Variants in ELMO1 observed in about 807,000 individuals in gnomAD.
ELMO1 encodes the protein engulfment and cell motility protein 1.
Under a neutral mutation model 98.9 loss-of-function variants are expected in ELMO1, and 26 were observed. That is an observed-to-expected ratio of 0.26 (90% CI 0.19 to 0.36). The LOEUF (loss-of-function observed/expected upper bound fraction) is 0.36, where lower values mean the gene tolerates loss of function less well. Among genes scored for constraint, ELMO1 ranks in the 10% least tolerant of loss-of-function variants. The pLI is 1.00. For synonymous variants in ELMO1, 346 were observed against 346.0 expected (o/e 1.00, Z 0.00); for missense variants, 627 against 935.2 (o/e 0.67, Z 4.30).
Position 36,862,536 on chromosome 7 carries a change from C to A in ELMO1, c.1906-800G>T, listed in dbSNP as rs142543741. ...TGTCTAATATGTACATTAAGCCACACTTCTCAAACTGTACATGCTGTACCA... is the reference window on the plus strand; with the variant it reads ...TGTCTAATATGTACATTAAGCCACAATTCTCAAACTGTACATGCTGTACCA... On this transcript the variant is annotated intron_variant, in intron 20 of 21. Coordinates refer to ENST00000310758, the MANE Select transcript of ELMO1 (RefSeq NM_014800.11). Among the ~76,000 whole-genome samples, 253 of 152,392 alleles carry A rather than the reference C, an allele frequency of 1.7e-3. 2 individuals carry two copies. Among genetic ancestry groups the A allele is most frequent in the African/African-American group, 4.5e-3 (188 of 41,592 alleles).
chr7:37,428,742 C>T (rs1054889631), intron 1 of ELMO1, among the ~76,000 whole-genome samples: 5 of 152,228 alleles, frequency 3.3e-5, no homozygotes, highest in Admixed American at 6.5e-5. Context: ...ACATTCTGTC[C>T]TAATCCAAGA....
intron 13 of ELMO1, among the ~76,000 whole-genome samples, chr7:37,181,084 A>G (rs1584772974): frequency 6.6e-6 from 1 of 152,296 alleles, no homozygotes; most frequent in East Asian, 1.9e-4. Context: ...ATTTTATGTT[A>G]TGTGAATTTT....
chr7:36,918,714 G>A (rs1373393223), intron 16 of ELMO1, among the ~76,000 whole-genome samples: 1 of 152,160 alleles, frequency 6.6e-6, no homozygotes, highest in Non-Finnish European at 1.5e-5. Context: ...AAACTTTCAA[G>A]GGCTTTTGCT....
intron 14 of ELMO1, among the ~76,000 whole-genome samples, chr7:37,097,312 C>A (rs563300005): frequency 8.0e-4 from 122 of 152,048 alleles, no homozygotes; most frequent in Non-Finnish European, 1.6e-3. Flanking sequence ...CCGAGGCGGG[C>A]GGATCATTGG....
chr7:37,381,319 T>C (rs1437196858), intron 1 of ELMO1, among the ~76,000 whole-genome samples: 1 of 152,236 alleles, frequency 6.6e-6, no homozygotes, highest in Admixed American at 6.5e-5. Context: ...CCAACCTTTC[T>C]CAGAGTACCA....
chr7:37,238,493 T>C (rs1794592720), intron 7 of ELMO1, among the ~76,000 whole-genome samples: 1 of 152,228 alleles, frequency 6.6e-6, no homozygotes, highest in Non-Finnish European at 1.5e-5. Context: ...AATCATGTTT[T>C]CTATGAATAG....
chr7:37,135,272 T>A (rs182006223), intron 13 of ELMO1, among the ~76,000 whole-genome samples: 85 of 152,326 alleles, frequency 5.6e-4, no homozygotes, highest in South Asian at 2.1e-3. Context: ...GAAGGACTAG[T>A]TGCAGCTTCC....
chr7:37,211,563 CTTT>C (rs1584815194), intron 12 of ELMO1, 46 bp from the exon 13 acceptor site: 1 of 1,601,178 alleles, frequency 6.2e-7, no homozygotes, highest in East Asian at 2.2e-5. Context: ...GAAAAAGCTG[CTTT>C]CATTGTGTGA....
chr7:37,139,816 A>G (rs1246758558), intron 13 of ELMO1, among the ~76,000 whole-genome samples: 1 of 152,184 alleles, frequency 6.6e-6, no homozygotes, highest in Non-Finnish European at 1.5e-5. Context: ...ACATCCAACT[A>G]TACTATAAGG....
chr7:37,098,443 G>A (rs1425923377), intron 14 of ELMO1, among the ~76,000 whole-genome samples: 12 of 152,198 alleles, frequency 7.9e-5, no homozygotes. Context: ...GGGGAGGGGA[G>A]TTTAGATAAC....
intron 8 of ELMO1, among the ~76,000 whole-genome samples, chr7:37,228,243 T>G (rs1293955276): frequency 6.6e-6 from 1 of 152,240 alleles, no homozygotes. Context: ...CAACTCCTTA[T>G]AACTGAATGT....
At chr7:37,134,310 T>C (rs144440246) in intron 13 of ELMO1, among the ~76,000 whole-genome samples, 1 of 152,316 alleles carries the variant, frequency 6.6e-6, no homozygotes, top group East Asian at 1.9e-4. Context: ...TGGTAGCTCA[T>C]GCCTGTAGTC....
chr7:37,002,397 G>A (rs1792740352), intron 16 of ELMO1, among the ~76,000 whole-genome samples: 1 of 152,238 alleles, frequency 6.6e-6, no homozygotes, highest in Admixed American at 6.5e-5. Flanking sequence ...ACGAAGCAGT[G>A]CAGAACTGTG....
chr7:37,303,791 A>G (rs1798467439), intron 4 of ELMO1, among the ~76,000 whole-genome samples: 1 of 152,200 alleles, frequency 6.6e-6, no homozygotes, highest in African/African-American at 2.4e-5. Flanking sequence ...TGGAATGATC[A>G]TGACCTCTGG....
chr7:37,000,104 G>A (rs1792540839), intron 16 of ELMO1, among the ~76,000 whole-genome samples: 1 of 152,136 alleles, frequency 6.6e-6, no homozygotes, highest in African/African-American at 2.4e-5. Context: ...AACAAGCCAA[G>A]AACCTTTTTC....
intron 15 of ELMO1, among the ~76,000 whole-genome samples, chr7:37,054,805 T>G (rs911964055): frequency 3.3e-5 from 5 of 152,240 alleles, no homozygotes; most frequent in Non-Finnish European, 7.3e-5. Flanking sequence ...GGCACTACTA[T>G]GTAGCAATCT....
At chr7:37,169,903 C>A (rs915926348) in intron 13 of ELMO1, among the ~76,000 whole-genome samples, 2 of 152,050 alleles carry the variant, frequency 1.3e-5, no homozygotes, top group Non-Finnish European at 2.9e-5. Flanking sequence ...CTCTAAAATG[C>A]ACATTTCTTT....
intron 16 of ELMO1, among the ~76,000 whole-genome samples, chr7:36,967,740 C>G (rs1016508154): frequency 6.6e-6 from 1 of 152,050 alleles, no homozygotes; most frequent in Admixed American, 6.5e-5. Flanking sequence ...GATGGAAACA[C>G]GAAATAAAAA....
chr7:37,086,367 T>TGTGTGA (rs768881408), intron 15 of ELMO1, among the ~76,000 whole-genome samples: 44 of 147,598 alleles, frequency 3.0e-4, no homozygotes, highest in African/African-American at 1.0e-3. Flanking sequence ...TGTGTGTGTG[T>TGTGTGA]GAAGAGAAGG....
Sources: allele counts gnomAD v4.1 joint callset (sites outside exome capture counted in the v4.1 genomes callset), GRCh38; gene constraint gnomAD v4.1.1; transcripts MANE v1.5; gene names NCBI Gene and HGNC (gene_info 2026-07-23, HGNC 2026-07-21).